KIAA0753: variants seen among roughly 807,000 people sequenced by gnomAD.
KIAA0753 encodes the protein KIAA0753.
KIAA0753 carries 114 observed loss-of-function variants against 116.9 expected under a neutral mutation model. The observed-to-expected ratio is 0.98, with a 90% confidence interval of 0.84 to 1.14. The LOEUF is 1.14. KIAA0753 is among the 50% of genes most tolerant of loss of function. The pLI, the probability that KIAA0753 is intolerant of heterozygous loss-of-function variation, is 0.00. For synonymous variants in KIAA0753, 405 were observed against 413.1 expected (o/e 0.98, Z 0.24); for missense variants, 1,156 against 1,172.4 (o/e 0.99, Z 0.20).
rs753545653 is a variant in KIAA0753, at chr17:6,628,488, T to C, written c.347A>G (p.His116Arg). 65 of 1,614,128 alleles carry C rather than the reference T, an allele frequency of 4.0e-5. 2 individuals are homozygous for C. The South Asian group carries it at 7.1e-4, about 18-fold the overall frequency. The stretch of plus-strand genomic sequence containing the variant: ...ACTTCTGAGATGATGTTCTTTTATA[T>C]GTTTTTCAAATTGTCTTCGTTTCAC... ...RDVKRRQFEK[H>R]IKEHHLRSQP... The change falls in exon 3 of 19, where the codon CAT (histidine) becomes CGT (arginine). Residue 116 changes from histidine to arginine, a missense_variant. Transcript: ENST00000361413.
chr17:6,581,697 T>C (rs1968190706), intron 18 of KIAA0753, among the ~76,000 whole-genome samples: 1 of 152,244 alleles, frequency 6.6e-6, no homozygotes, highest in Non-Finnish European at 1.5e-5. Context: ...TCCTATCAGT[T>C]TGGCCTTATA....
At chr17:6,603,967 CA>C (rs1392629861) in intron 12 of KIAA0753, among the ~76,000 whole-genome samples, 1 of 152,134 alleles carries the variant, frequency 6.6e-6, no homozygotes, top group Non-Finnish European at 1.5e-5. Context: ...AGAACGCCTA[CA>C]AAAAAGCAGA....
intron 12 of KIAA0753, 36 bp downstream of exon 12, chr17:6,606,837 A>G: frequency 6.4e-7 from 1 of 1,564,810 alleles, no homozygotes; most frequent in Non-Finnish European, 8.8e-7. Context: ...AGAACAGGCA[A>G]ACATCCACTA....
rs374654752 is a variant in KIAA0753 at position 6,581,631 on chromosome 17, T to C, written c.2787-1767A>G. On this transcript the variant is annotated intron_variant, in intron 18 of 18. Transcript: ENST00000361413. ...CTTCCATCACTTCTTCTCCATTTAA[T>C]AGCTGGCATTCTACTGTAATGAAAG... Among the ~76,000 whole-genome samples, 25 of 152,374 alleles carry C rather than the reference T, an allele frequency of 1.6e-4. No homozygotes were observed. In the South Asian group the frequency reaches 4.3e-3, roughly 26 times the overall value.
chr17:6,590,608 A>C lies in KIAA0753; in HGVS notation c.2463T>G (p.Ser821Arg). ...ENNDQKISAI[S>R]EKPLSPHPIR... ...TTGGATGAGGAGATAGAGGCTTTTCACTTATTGCTGAGATTTTTTGGTCTA... is the reference window on the plus strand; with the variant it reads ...TTGGATGAGGAGATAGAGGCTTTTCCCTTATTGCTGAGATTTTTTGGTCTA... Residue 821 changes from serine to arginine, a missense_variant, in exon 17 of 19, where the codon AGT (serine) becomes AGG (arginine). Transcript: ENST00000361413. The C allele has an allele frequency of 6.2e-7, 1 of 1,613,876 alleles. No homozygotes were observed.
intron 7 of KIAA0753, among the ~76,000 whole-genome samples, chr17:6,616,789 G>A (rs1417743760): frequency 6.6e-6 from 1 of 152,178 alleles, no homozygotes; most frequent in African/African-American, 2.4e-5. Flanking sequence ...TCGTGCCACT[G>A]CACTCCAGCC....
intron 7 of KIAA0753, 115 bp downstream of exon 7, chr17:6,620,673 C>T: frequency 2.1e-6 from 2 of 951,620 alleles, no homozygotes; most frequent in Non-Finnish European, 3.3e-6. Context: ...AGTTAAAGTT[C>T]ATCTGTTGTG....
At position 6,589,998 on chromosome 17, in the gene KIAA0753, AG is replaced by A. The variant is rs1019372962; in HGVS notation, c.2566del (p.Leu856TrpfsTer21). On this transcript the variant is annotated frameshift_variant, in exon 18 of 19. Coordinates refer to ENST00000361413, the MANE Select transcript of KIAA0753 (RefSeq NM_014804.3). LOFTEE classifies it high-confidence loss of function. The part of the protein sequence containing the change: ...MLERPCNGNS[L>X]DESVGTEEGS... Reference sequence around the variant, plus strand: ...TTCCTCTGTTCCCACACTTTCATCCAGGGAACTGAGAACAAATAAAAATGAT... The same window carrying A: ...TTCCTCTGTTCCCACACTTTCATCCAGGAACTGAGAACAAATAAAAATGAT... The A allele has an allele frequency of 1.3e-6, 2 of 1,556,010 alleles. No homozygotes were observed. Among genetic ancestry groups the A allele is most frequent in the Non-Finnish European group, 1.7e-6 (2 of 1,155,798 alleles).
At chr17:6,607,116 C>T in intron 11 of KIAA0753, 65 bp downstream of exon 11, 2 of 1,392,538 alleles carry the variant, frequency 1.4e-6, no homozygotes, top group South Asian at 1.2e-5. Flanking sequence ...CTCTATTTAT[C>T]ATTAATGTAT....
intron 1 of KIAA0753, chr17:6,636,140 A>C (rs1017680172): frequency 6.6e-6 from 1 of 152,226 alleles, no homozygotes; most frequent in Non-Finnish European, 1.5e-5. Flanking sequence ...AAAAAACCCT[A>C]ATTTAAGCTT....
Position 6,620,809 on chromosome 17 carries a change from CAGA to C in KIAA0753, c.1291_1293del (p.Ser431del), listed in dbSNP as rs1971266481. ...ATACCGGCAAGAAGCTGCTTTGCTA[CAGA>C]AGGTCGACTTGTTTCCTGTGGGAAT... On this transcript the variant is annotated inframe_deletion, in exon 7 of 19. Coordinates refer to ENST00000361413, the MANE Select transcript of KIAA0753 (RefSeq NM_014804.3). The C allele has an allele frequency of 6.2e-7, 1 of 1,614,030 alleles. No homozygotes were observed. The highest frequency in any genetic ancestry group is 1.3e-5 in the African/African-American group (1 of 74,930).
intron 18 of KIAA0753, among the ~76,000 whole-genome samples, chr17:6,580,577 A>G (rs1968084506): frequency 6.6e-6 from 1 of 152,024 alleles, no homozygotes. Flanking sequence ...TGGCCTCCCA[A>G]AGTGCTGGGA....
intron 7 of KIAA0753, among the ~76,000 whole-genome samples, chr17:6,619,743 A>T (rs576648535): frequency 7.2e-4 from 109 of 152,314 alleles, no homozygotes; most frequent in African/African-American, 2.4e-3. Flanking sequence ...TTCTACTTTA[A>T]TTTAAAAAAA....
chr17:6,616,677 T>G (rs747361912), intron 7 of KIAA0753, among the ~76,000 whole-genome samples: 19 of 152,026 alleles, frequency 1.2e-4, no homozygotes, highest in Non-Finnish European at 2.4e-4. Context: ...GTACAAAAAA[T>G]TAGCTGGGCA....
At chr17:6,596,468 C>T (rs184889203) in intron 14 of KIAA0753, 125 bp from the exon 15 acceptor site, 3 of 699,892 alleles carry the variant, frequency 4.3e-6, no homozygotes, top group Admixed American at 5.6e-5. Flanking sequence ...CATACAGATC[C>T]AAATGGCAGA....
At chr17:6,583,640 C>T (rs1459155708) in intron 18 of KIAA0753, among the ~76,000 whole-genome samples, 3 of 152,112 alleles carry the variant, frequency 2.0e-5, no homozygotes, top group Non-Finnish European at 4.4e-5. Flanking sequence ...GCTATTGAGC[C>T]CAACCAATGA....
intron 3 of KIAA0753, among the ~76,000 whole-genome samples, chr17:6,625,559 C>T (rs1048427785): frequency 6.6e-6 from 1 of 151,436 alleles, no homozygotes; most frequent in Non-Finnish European, 1.5e-5. Context: ...CCCAGCTACT[C>T]GGGAGGCTGA....
At chr17:6,592,327 G>A (rs561748023) in intron 16 of KIAA0753, among the ~76,000 whole-genome samples, 198 of 152,306 alleles carry the variant, frequency 1.3e-3, no homozygotes, top group Non-Finnish European at 1.9e-3. Context: ...ACAGGCTGCT[G>A]TGGTAAACCT....
At chr17:6,598,949 A>G (rs1969660707) in intron 14 of KIAA0753, among the ~76,000 whole-genome samples, 1 of 152,204 alleles carries the variant, frequency 6.6e-6, no homozygotes, top group Non-Finnish European at 1.5e-5. Flanking sequence ...CAGGCCACCA[A>G]CATTCAGGGC....
Sources: allele counts gnomAD v4.1 joint callset (sites outside exome capture counted in the v4.1 genomes callset), GRCh38; gene constraint gnomAD v4.1.1; transcripts MANE v1.5; gene names NCBI Gene and HGNC (gene_info 2026-07-23, HGNC 2026-07-21).